The following RBFOX1 variants were observed in gnomAD, a reference collection of about 807,000 sequenced individuals.
RBFOX1 encodes RNA binding protein fox-1 homolog 1.
Under a neutral mutation model 57.7 loss-of-function variants are expected in RBFOX1, and 8 were observed. That is an observed-to-expected ratio of 0.14 (90% CI 0.08 to 0.25). The LOEUF (loss-of-function observed/expected upper bound fraction) is 0.25, where lower values mean the gene tolerates loss of function less well. Ranked by LOEUF, RBFOX1 falls within the 10% of genes least tolerant of loss-of-function variation. The pLI is 1.00. For synonymous variants in RBFOX1, 326 were observed against 222.4 expected, an observed-to-expected ratio of 1.47 and a Z score of -4.15; for missense variants, 611 against 548.5, an observed-to-expected ratio of 1.11 and a Z score of -1.14.
At chr16:6,893,993 G>C (rs1338607640) in intron 3 of RBFOX1, among the ~76,000 whole-genome samples, 2 of 152,156 alleles carry the variant, frequency 1.3e-5, no homozygotes, top group Admixed American at 1.3e-4. Context: ...CCCAAAGACA[G>C]TGCTATGATG....
intron 12 of RBFOX1, among the ~76,000 whole-genome samples, chr16:7,655,294 A>G (rs1180400528): frequency 6.6e-6 from 1 of 152,254 alleles, no homozygotes; most frequent in Non-Finnish European, 1.5e-5. Flanking sequence ...GTAGTAAGAC[A>G]AAGTCCATCA....
chr16:5,857,180 G>C (rs1597513378), intron 3 of RBFOX1, among the ~76,000 whole-genome samples: 1 of 152,058 alleles, frequency 6.6e-6, no homozygotes, highest in East Asian at 1.9e-4. Flanking sequence ...TGAGGAGAGA[G>C]GGAAAGATGG....
intron 2 of RBFOX1, among the ~76,000 whole-genome samples, chr16:6,575,886 TAAATAAATAAAG>T (rs1392316275): frequency 1.3e-5 from 2 of 150,826 alleles, no homozygotes; most frequent in Admixed American, 1.3e-4. Context: ...AATAAATAAA[TAAATAAATAAAG>T]ATTAATAAAA....
At chr16:6,685,848 A>C (rs1167769507) in intron 3 of RBFOX1, among the ~76,000 whole-genome samples, 1 of 152,136 alleles carries the variant, frequency 6.6e-6, no homozygotes, top group Non-Finnish European at 1.5e-5. Flanking sequence ...CTACAATAAT[A>C]AATATTTCTG....
chr16:5,621,149 T>A (rs1326735988), intron 3 of RBFOX1, among the ~76,000 whole-genome samples: 1 of 152,182 alleles, frequency 6.6e-6, no homozygotes, highest in African/African-American at 2.4e-5. Context: ...CCTGCTAATT[T>A]TTATTTTTTG....
chr16:7,543,155 G>A (rs1471871210), intron 5 of RBFOX1, among the ~76,000 whole-genome samples: 1 of 152,204 alleles, frequency 6.6e-6, no homozygotes, highest in Non-Finnish European at 1.5e-5. Flanking sequence ...CTCAGGGTTG[G>A]TGTTTAACAG....
At chr16:6,266,886 C>T (rs2074575990) in intron 1 of RBFOX1, among the ~76,000 whole-genome samples, 4 of 152,266 alleles carry the variant, frequency 2.6e-5, no homozygotes, top group Admixed American at 2.6e-4. Flanking sequence ...TCTGTGCAGG[C>T]AGGAAGCTTG....
At chr16:7,131,704 A>G (rs1441445012) in intron 4 of RBFOX1, among the ~76,000 whole-genome samples, 2 of 151,938 alleles carry the variant, frequency 1.3e-5, no homozygotes. Context: ...CAGTAAGCCA[A>G]GCATAACCGC....
intron 2 of RBFOX1, among the ~76,000 whole-genome samples, chr16:6,554,398 C>A (rs915823934): frequency 1.3e-5 from 2 of 152,026 alleles, no homozygotes; most frequent in African/African-American, 4.8e-5. Context: ...GCGTGGACTG[C>A]AAATGTGCAC....
intron 11 of RBFOX1, among the ~76,000 whole-genome samples, chr16:7,638,135 C>T (rs894645666): frequency 6.6e-6 from 1 of 152,202 alleles, no homozygotes; most frequent in Non-Finnish European, 1.5e-5. Context: ...TCTGCAACGA[C>T]AGTGAACGCC....
At chr16:6,253,864 T>A (rs796923467) in intron 1 of RBFOX1, among the ~76,000 whole-genome samples, 3 of 152,104 alleles carry the variant, frequency 2.0e-5, no homozygotes, top group African/African-American at 7.2e-5. Flanking sequence ...GCATTGGTAT[T>A]CCTCTTTGGA....
chr16:7,699,362 C>G (rs966041317), intron 14 of RBFOX1, among the ~76,000 whole-genome samples: 3 of 152,070 alleles, frequency 2.0e-5, no homozygotes, highest in South Asian at 2.1e-4. Flanking sequence ...CAGCTGATAT[C>G]TTAATTTTTT....
At chr16:6,468,009 A>C (rs1393581138) in intron 2 of RBFOX1, among the ~76,000 whole-genome samples, 1 of 152,184 alleles carries the variant, frequency 6.6e-6, no homozygotes, top group African/African-American at 2.4e-5. Flanking sequence ...TTGAGAGTTA[A>C]GAGAAAGAAA....
chr16:7,434,415 T>A (rs1397016448), intron 4 of RBFOX1, among the ~76,000 whole-genome samples: 1 of 151,878 alleles, frequency 6.6e-6, no homozygotes, highest in Non-Finnish European at 1.5e-5. Context: ...GAGCTTGCAG[T>A]GAGCCGAGAT....
chr16:5,462,861 A>G (rs1043994851), intron 1 of RBFOX1, among the ~76,000 whole-genome samples: 2 of 152,168 alleles, frequency 1.3e-5, no homozygotes, highest in African/African-American at 2.4e-5. Flanking sequence ...TAAAGGTCCT[A>G]CAGGCATGGG....
At chr16:7,643,794 A>C (rs940784518) in intron 11 of RBFOX1, among the ~76,000 whole-genome samples, 14 of 152,082 alleles carry the variant, frequency 9.2e-5, no homozygotes, top group Non-Finnish European at 2.1e-4. Context: ...ATTAGCAGAA[A>C]AGGAACAGGG....
Position 5,496,512 on chromosome 16 carries a change from C to T in RBFOX1, c.258+29258C>T, listed in dbSNP as rs181368466. On this transcript the variant is annotated intron_variant, in intron 2 of 2. Transcript: ENST00000585867. Reference sequence around the variant, plus strand: ...AGTCACATCTTCTTTCCTCATCTCTCGGTCGTACTCCGTGGTTATCCCACT... The same window carrying T: ...AGTCACATCTTCTTTCCTCATCTCTTGGTCGTACTCCGTGGTTATCCCACT... Among the ~76,000 whole-genome samples, 599 of 152,226 alleles carry T rather than the reference C, an allele frequency of 3.9e-3. 6 individuals carry two copies. Among genetic ancestry groups the T allele is most frequent in the African/African-American group, 0.013 (534 of 41,524 alleles).
intron 2 of RBFOX1, among the ~76,000 whole-genome samples, chr16:6,616,783 T>G (rs1052245628): frequency 7.9e-5 from 12 of 152,132 alleles, no homozygotes; most frequent in African/African-American, 2.4e-4. Context: ...CTGACAAGAG[T>G]GAGCTACAGC....
chr16:6,908,763 C>A (rs530624090), intron 3 of RBFOX1, among the ~76,000 whole-genome samples: 1 of 152,300 alleles, frequency 6.6e-6, no homozygotes, highest in Admixed American at 6.5e-5. Flanking sequence ...ACTGTGCAAT[C>A]TGGGACCAAG....
Sources: allele counts gnomAD v4.1 joint callset (sites outside exome capture counted in the v4.1 genomes callset), GRCh38; gene constraint gnomAD v4.1.1; transcripts MANE v1.5; gene names NCBI Gene and HGNC (gene_info 2026-07-23, HGNC 2026-07-21).